NCOA3: variants seen among roughly 807,000 people sequenced by gnomAD.
NCOA3 encodes nuclear receptor coactivator 3.
A neutral mutation model predicts 158.8 loss-of-function variants in NCOA3; 51 were observed. The ratio of observed to expected loss-of-function variants is 0.32; its 90% CI spans 0.26 to 0.41. The LOEUF is 0.41. Ranked by LOEUF, NCOA3 falls within the 10% of genes least tolerant of loss-of-function variation. NCOA3 has a pLI of 1.00. For missense variants in NCOA3, 1,510 were observed against 1,746.6 expected (o/e 0.86, Z 2.41); for synonymous variants, 537 against 592.4 (o/e 0.91, Z 1.36).
intron 2 of NCOA3, among the ~76,000 whole-genome samples, chr20:47,601,387 T>G (rs1164620511): frequency 6.6e-6 from 1 of 152,234 alleles, no homozygotes; most frequent in Non-Finnish European, 1.5e-5. Flanking sequence ...TAAACTATAT[T>G]CAAACCATAG....
chr20:47,651,626 C>G (rs1169161704), intron 20 of NCOA3, among the ~76,000 whole-genome samples: 3 of 151,950 alleles, frequency 2.0e-5, no homozygotes, highest in Admixed American at 1.3e-4. Context: ...GAGGAATGCA[C>G]TTTGTGGGCT....
chr20:47,562,621 G>T (rs1255899213), intron 1 of NCOA3, among the ~76,000 whole-genome samples: 1 of 151,774 alleles, frequency 6.6e-6, no homozygotes, highest in Non-Finnish European at 1.5e-5. Context: ...GTTAGGGTTT[G>T]GTATTTTGAA....
chr20:47,632,292 G>A (rs2086431810), intron 8 of NCOA3, among the ~76,000 whole-genome samples: 1 of 152,106 alleles, frequency 6.6e-6, no homozygotes, highest in South Asian at 2.1e-4. Flanking sequence ...ATGAGGTTTG[G>A]AGGTTCCATG....
chr20:47,544,324 T>A (rs2146137560), intron 1 of NCOA3, among the ~76,000 whole-genome samples: 1 of 135,958 alleles, frequency 7.4e-6, no homozygotes, highest in African/African-American at 3.1e-5. Flanking sequence ...TACTTTTTTT[T>A]TTTTTTTTTT....
chr20:47,602,828 T>C (rs886117453), intron 2 of NCOA3, among the ~76,000 whole-genome samples: 1 of 152,236 alleles, frequency 6.6e-6, no homozygotes, highest in African/African-American at 2.4e-5. Flanking sequence ...CTTAATTTTA[T>C]TTGAAATATG....
At position 47,656,787 on chromosome 20, in the gene NCOA3, ATGAAATGACTTATGGGGGATGGTGAGC is replaced by A. The variant is rs1283364062; in HGVS notation, c.*3373_*3399del. On this transcript the variant is annotated 3_prime_UTR_variant, in exon 23 of 23. Transcript: ENST00000371998. Reference sequence around the variant, plus strand: ...TTATCTTGCAAAGAATTGAAACCACATGAAATGACTTATGGGGGATGGTGAGCTGTGACTGCTTTGCTGACCATTTTG... The same window carrying A: ...TTATCTTGCAAAGAATTGAAACCACATGTGACTGCTTTGCTGACCATTTTG... 6.6e-6 allele frequency: 1 copy of A among 152,294 alleles called. No individual in the cohort carries two copies. Among genetic ancestry groups the A allele is most frequent in the Non-Finnish European group, 1.5e-5 (1 of 68,008 alleles). The allele number at this position is 152,294 out of a possible 1,614,324, so 9.4% of individuals were successfully genotyped here.
At chr20:47,533,423 A>G (rs931539912) in intron 1 of NCOA3, among the ~76,000 whole-genome samples, 1 of 152,098 alleles carries the variant, frequency 6.6e-6, no homozygotes, top group Non-Finnish European at 1.5e-5. Flanking sequence ...GAAAAGTACA[A>G]AAAAATAAGG....
At chr20:47,558,039 C>T (rs2085034463) in intron 1 of NCOA3, among the ~76,000 whole-genome samples, 1 of 150,678 alleles carries the variant, frequency 6.6e-6, no homozygotes, top group African/African-American at 2.4e-5. Context: ...TCTCTCTGTT[C>T]TCTTTGTCTA....
At chr20:47,600,041 G>GTA (rs1177484220) in intron 2 of NCOA3, among the ~76,000 whole-genome samples, 1 of 151,268 alleles carries the variant, frequency 6.6e-6, no homozygotes. Flanking sequence ...GTTAAGTGCA[G>GTA]TATATACAAG....
At chr20:47,586,931 C>T (rs777381268) in intron 2 of NCOA3, among the ~76,000 whole-genome samples, 1 of 152,166 alleles carries the variant, frequency 6.6e-6, no homozygotes, top group East Asian at 1.9e-4. Context: ...CAAGGTGTTG[C>T]CAGATTTCTC....
intron 1 of NCOA3, among the ~76,000 whole-genome samples, chr20:47,574,546 A>G (rs2085343424): frequency 6.6e-6 from 1 of 152,064 alleles, no homozygotes; most frequent in Admixed American, 6.6e-5. Context: ...TGGTGAAATG[A>G]AAATTTAAAA....
At chr20:47,637,887 C>A in intron 13 of NCOA3, 104 bp downstream of exon 13, 1 of 1,034,448 alleles carries the variant, frequency 9.7e-7, no homozygotes, top group Non-Finnish European at 1.3e-6. Flanking sequence ...GCATTTATAA[C>A]TTCAGAACAT....
Position 47,639,761 on chromosome 20 carries a change from G to A in NCOA3, c.2892G>A (p.Arg964=). The change falls in exon 15 of 23, where the codon CGG becomes CGA. Residue 964 remains arginine, a synonymous_variant. Transcript: ENST00000371998. ...LGGSIPTLPL[R]SNSIPGARPV... ...GCTCTATTCCCACATTGCCTCTTCGGTCTAATAGCATACCAGGTGCGAGAC... is the reference window on the plus strand; with the variant it reads ...GCTCTATTCCCACATTGCCTCTTCGATCTAATAGCATACCAGGTGCGAGAC... 6.2e-7 allele frequency: 1 copy of A among 1,614,182 alleles called. No homozygotes were observed. Among genetic ancestry groups the A allele is most frequent in the Non-Finnish European group, 8.5e-7 (1 of 1,180,048 alleles).
intron 1 of NCOA3, among the ~76,000 whole-genome samples, chr20:47,516,963 C>G (rs957292130): frequency 6.6e-6 from 1 of 151,654 alleles, no homozygotes; most frequent in Non-Finnish European, 1.5e-5. Flanking sequence ...TGACTCACAT[C>G]TATAATCCCA....
At chr20:47,558,820 C>CTTTTTTTTTT (rs56997127) in intron 1 of NCOA3, among the ~76,000 whole-genome samples, 1 of 114,508 alleles carries the variant, frequency 8.7e-6, no homozygotes, top group Non-Finnish European at 1.8e-5. Flanking sequence ...ACTTTTTTCA[C>CTTTTTTTTTT]TTTTTTTTTT....
chr20:47,648,978 C>T (rs367599146), intron 18 of NCOA3, 27 bp from the exon 19 acceptor site: 1 of 1,458,686 alleles, frequency 6.9e-7, no homozygotes, highest in Admixed American at 1.7e-5. Flanking sequence ...GCTCTGCTTG[C>T]ATTCTAACCA....
chr20:47,635,693 A>G lies in NCOA3; in HGVS notation c.1484A>G (p.His495Arg). 5 of 1,613,668 alleles carry G rather than the reference A, an allele frequency of 3.1e-6. No individual in the cohort carries two copies. The highest frequency in any genetic ancestry group is 4.2e-6 in the Non-Finnish European group (5 of 1,179,728). ...RNRGSPKIAS[H>R]QFSPVAGVHS... ...CGTGGGAGTCCAAAGATAGCCTCAC[A>G]TCAGTTTTCTCCTGTTGCAGGTATT... The change falls in exon 11 of 23, where the codon CAT becomes CGT. Residue 495 changes from histidine (H) to arginine (R), a missense_variant. By Grantham distance (29) the His-to-Arg change is conservative. Coordinates refer to ENST00000371998, the MANE Select transcript of NCOA3 (RefSeq NM_181659.3).
chr20:47,636,843 T>G, intron 12 of NCOA3, 81 bp downstream of exon 12: 1 of 1,314,520 alleles, frequency 7.6e-7, no homozygotes, highest in Non-Finnish European at 1.0e-6. Context: ...TTCTTCCATT[T>G]TAGGTTTATT....
chr20:47,582,381 T>C (rs1410559151), intron 1 of NCOA3, among the ~76,000 whole-genome samples: 1 of 152,104 alleles, frequency 6.6e-6, no homozygotes, highest in Non-Finnish European at 1.5e-5. Flanking sequence ...CAAACTAATT[T>C]TTTGTATTTT....
Sources: allele counts gnomAD v4.1 joint callset (sites outside exome capture counted in the v4.1 genomes callset), GRCh38; gene constraint gnomAD v4.1.1; transcripts MANE v1.5; gene names NCBI Gene and HGNC (gene_info 2026-07-23, HGNC 2026-07-21).